The following SYNPR variants were observed in gnomAD, a reference collection of about 807,000 sequenced individuals.
The protein encoded by SYNPR is synaptoporin.
A neutral mutation model predicts 32.9 loss-of-function variants in SYNPR; 23 were observed. The ratio of observed to expected loss-of-function variants is 0.70; its 90% CI spans 0.50 to 0.99. The LOEUF (loss-of-function observed/expected upper bound fraction) is 0.99, where lower values mean the gene tolerates loss of function less well. Among genes scored for constraint, SYNPR ranks in the 50% least tolerant of loss-of-function variants. The pLI is 0.00. For missense variants in SYNPR, 318 were observed against 349.3 expected (o/e 0.91, Z 0.71); for synonymous variants, 146 against 135.9 (o/e 1.07, Z -0.52).
At chr3:63,255,672 G>C (rs1460471604) in intron 2 of SYNPR, among the ~76,000 whole-genome samples, 1 of 152,168 alleles carries the variant, frequency 6.6e-6, no homozygotes, top group East Asian at 1.9e-4. Flanking sequence ...CAGTGTGAGC[G>C]ACGCAGAAGA....
At chr3:63,407,494 G>T (rs2088376633) in intron 2 of SYNPR, among the ~76,000 whole-genome samples, 1 of 152,160 alleles carries the variant, frequency 6.6e-6, no homozygotes, top group South Asian at 2.1e-4. Flanking sequence ...TTTGTAAAAT[G>T]GAGATGATGC....
At chr3:63,285,621 A>T in intron 2 of SYNPR, among the ~76,000 whole-genome samples, 1 of 152,342 alleles carries the variant, frequency 6.6e-6, no homozygotes, top group East Asian at 1.9e-4. Context: ...CTCAGTGTCC[A>T]GATGGATTCA....
chr3:63,418,356 C>T (rs141380297), intron 2 of SYNPR, among the ~76,000 whole-genome samples: 22 of 152,290 alleles, frequency 1.4e-4, no homozygotes, highest in African/African-American at 5.3e-4. Context: ...AGCCATTCAA[C>T]AAGTCTCTAG....
rs976174117 is a variant in SYNPR, at chr3:63,251,688, G to A, written n.67-811G>A. Among the ~76,000 whole-genome samples the A allele has an allele frequency of 3.9e-5, 6 of 151,962 alleles. No individual in the cohort carries two copies. The South Asian group carries it at 8.3e-4, about 21-fold the overall frequency. On this transcript the variant is annotated intron_variant and non_coding_transcript_variant, in intron 1 of 4. Coordinates refer to the SYNPR transcript ENST00000478456. ...TCTGACAGGACTGAAATGCGATCCCGGGATGATCAGCAAAGATCTACGTAA... is the reference window on the plus strand; with the variant it reads ...TCTGACAGGACTGAAATGCGATCCCAGGATGATCAGCAAAGATCTACGTAA...
At chr3:63,415,243 C>A (rs1383167723) in intron 2 of SYNPR, among the ~76,000 whole-genome samples, 1 of 152,194 alleles carries the variant, frequency 6.6e-6, no homozygotes, top group African/African-American at 2.4e-5. Context: ...CAGCATTCAA[C>A]AACAGCATGC....
At chr3:63,473,106 C>A (rs1471651544) in intron 2 of SYNPR, among the ~76,000 whole-genome samples, 1 of 152,152 alleles carries the variant, frequency 6.6e-6, no homozygotes, top group East Asian at 1.9e-4. Context: ...AAATGTGCCA[C>A]ACTTGCTCAT....
At chr3:63,272,190 G>T (rs904429143) in intron 3 of SYNPR, among the ~76,000 whole-genome samples, 1 of 152,128 alleles carries the variant, frequency 6.6e-6, no homozygotes, top group South Asian at 2.1e-4. Context: ...ATATTTTTCT[G>T]GGTACCTTAC....
intron 2 of SYNPR, among the ~76,000 whole-genome samples, chr3:63,453,985 A>C (rs1161261490): frequency 1.3e-5 from 2 of 152,158 alleles, no homozygotes; most frequent in Non-Finnish European, 2.9e-5. Context: ...TATTTAGAAT[A>C]ACTTTTGAAG....
In SYNPR at chr3:63,457,401, C is replaced by G. The variant is rs78861251; in HGVS notation, c.85-23431C>G. ...TTCCTTACGATCTTAAGATGTCACT[C>G]TTTTTCCCCTAGAACTTTCTAGGAT... On this transcript the variant is annotated intron_variant, in intron 2 of 5. Coordinates refer to ENST00000478300, the MANE Select transcript of SYNPR (RefSeq NM_001130003.2). Among the ~76,000 whole-genome samples the G allele has an allele frequency of 8.5e-3, 1,285 of 152,056 alleles. 58 individuals are homozygous for G. In the East Asian group the frequency reaches 0.13, roughly 16 times the overall value.
At chr3:63,392,385 T>C (rs188922541) in intron 2 of SYNPR, among the ~76,000 whole-genome samples, 1 of 152,322 alleles carries the variant, frequency 6.6e-6, no homozygotes, top group Non-Finnish European at 1.5e-5. Flanking sequence ...GGAATGACCA[T>C]ACACGCAAAA....
intron 3 of SYNPR, among the ~76,000 whole-genome samples, chr3:63,546,954 G>T (rs979676838): frequency 1.3e-5 from 2 of 152,026 alleles, no homozygotes; most frequent in Admixed American, 1.3e-4. Context: ...AAATGATTCT[G>T]GCTGCCTGGA....
At chr3:63,206,880 AG>A in the SYNPR span, among the ~76,000 whole-genome samples, 1 of 152,196 alleles carries the variant, frequency 6.6e-6, no homozygotes, top group East Asian at 1.9e-4. Flanking sequence ...AGCAGAAATT[AG>A]GGTTATGAGA....
chr3:63,435,529 CA>C (rs1360213574), intron 2 of SYNPR, among the ~76,000 whole-genome samples: 11 of 152,280 alleles, frequency 7.2e-5, no homozygotes, highest in Non-Finnish European at 1.3e-4. Context: ...ACAGAGAAAA[CA>C]GTGGAGTGGG....
chr3:63,401,494 G>A (rs1275894250), intron 2 of SYNPR, among the ~76,000 whole-genome samples: 2 of 152,152 alleles, frequency 1.3e-5, no homozygotes, highest in Non-Finnish European at 2.9e-5. Flanking sequence ...TCCCTCCCAT[G>A]CTGTTCCTAA....
chr3:63,286,960 G>C (rs1244556458), intron 2 of SYNPR, among the ~76,000 whole-genome samples: 1 of 152,178 alleles, frequency 6.6e-6, no homozygotes, highest in Non-Finnish European at 1.5e-5. Context: ...GCGTAATATA[G>C]TTACTGGACA....
At chr3:63,563,949 A>T (rs2106837451) in intron 4 of SYNPR, among the ~76,000 whole-genome samples, 1 of 137,108 alleles carries the variant, frequency 7.3e-6, no homozygotes, top group East Asian at 2.3e-4. Flanking sequence ...TATAAACTGC[A>T]TTTTAATAAA....
At chr3:63,533,081 G>A (rs1230719080) in intron 3 of SYNPR, among the ~76,000 whole-genome samples, 3 of 152,088 alleles carry the variant, frequency 2.0e-5, no homozygotes, top group Admixed American at 6.6e-5. Flanking sequence ...TGGCATTACC[G>A]TTATTTCTGT....
chr3:63,527,773 C>T (rs767187359), intron 3 of SYNPR, among the ~76,000 whole-genome samples: 2 of 152,074 alleles, frequency 1.3e-5, no homozygotes, highest in Non-Finnish European at 1.5e-5. Context: ...CTTTGCGTGG[C>T]CTTATGCTAT....
the SYNPR span, among the ~76,000 whole-genome samples, chr3:63,213,989 G>C: frequency 2.5e-5 from 1 of 40,208 alleles, no homozygotes; most frequent in African/African-American, 8.3e-5. Flanking sequence ...GTCTTTGGCT[G>C]TGTTTATATG....
Sources: gnomAD v4.1 joint callset for allele counts (sites outside exome capture counted in the v4.1 genomes callset) on GRCh38, gnomAD v4.1.1 for gene constraint, MANE v1.5 for transcripts, NCBI Gene and HGNC (gene_info 2026-07-23, HGNC 2026-07-21) for gene names.